HMCN1: variants seen among roughly 807,000 people sequenced by gnomAD.
The protein encoded by HMCN1 is hemicentin-1.
Under a neutral mutation model 625.9 loss-of-function variants are expected in HMCN1, and 321 were observed. The ratio of observed to expected loss-of-function variants is 0.51; its 90% CI spans 0.47 to 0.56. HMCN1 has a LOEUF of 0.56. Ranked by LOEUF, HMCN1 falls within the 20% of genes least tolerant of loss-of-function variation. The pLI is 0.00. For missense variants in HMCN1, 6,588 were observed against 6,887.3 expected (o/e 0.96, Z 1.54); for synonymous variants, 2,425 against 2,417.6 (o/e 1.00, Z -0.09).
intron 41 of HMCN1, among the ~76,000 whole-genome samples, chr1:186,046,460 C>G (rs900194167): frequency 2.4e-5 from 3 of 123,512 alleles, no homozygotes; most frequent in African/African-American, 1.1e-4. Context: ...CAGAGCAAGA[C>G]TGTCTCAAAC....
At chr1:186,158,203 AT>A (rs1317179957) in intron 97 of HMCN1, among the ~76,000 whole-genome samples, 1 of 150,062 alleles carries the variant, frequency 6.7e-6, no homozygotes, top group Non-Finnish European at 1.5e-5. Context: ...GATGATGAGC[AT>A]TTTTTCATGT....
intron 36 of HMCN1, among the ~76,000 whole-genome samples, chr1:186,024,952 C>G (rs1654964295): frequency 6.6e-6 from 1 of 152,120 alleles, no homozygotes. Context: ...CACTTTATTT[C>G]TATTATTATT....
chr1:186,090,813 AG>A lies in HMCN1; in HGVS notation c.9784del (p.Glu3262LysfsTer26). 1 of 1,612,708 alleles carries A rather than the reference AG, an allele frequency of 6.2e-7. No individual in the cohort carries two copies. The highest frequency in any genetic ancestry group is 8.5e-7 in the Non-Finnish European group (1 of 1,179,090). On this transcript the variant is annotated frameshift_variant, in exon 64 of 107. Transcript: ENST00000271588. LOFTEE classifies it high-confidence loss of function. ...CAAGTGATGTCAGTGTCCTTCTAGG[AG>A]AAAATGTTGAGCTGGTCTGCAATGC... is the stretch of plus-strand genomic sequence containing the variant. ...IPSDVSVLLG[E>X]NVELVCNANG... is the part of the protein sequence containing the mutation.
chr1:186,109,632 C>T (rs185594307), intron 71 of HMCN1, among the ~76,000 whole-genome samples: 1 of 152,270 alleles, frequency 6.6e-6, no homozygotes, highest in African/African-American at 2.4e-5. Flanking sequence ...CCATGGAAGC[C>T]TCTTAGAAAA....
At chr1:185,799,554 C>T (rs1658647295) in intron 1 of HMCN1, among the ~76,000 whole-genome samples, 1 of 152,010 alleles carries the variant, frequency 6.6e-6, no homozygotes, top group Non-Finnish European at 1.5e-5. Context: ...TCTATGATTT[C>T]CTAGGTTATG....
chr1:186,015,074 A>G (rs1654270011), intron 30 of HMCN1, 85 bp from the exon 31 acceptor site: 2 of 1,184,162 alleles, frequency 1.7e-6, no homozygotes, highest in Non-Finnish European at 1.3e-6. Flanking sequence ...CTTTAAATGC[A>G]TTGTTTAAAC....
At chr1:185,763,705 C>T (rs1427351969) in intron 1 of HMCN1, among the ~76,000 whole-genome samples, 1 of 152,044 alleles carries the variant, frequency 6.6e-6, no homozygotes. Flanking sequence ...TTAACAGTCG[C>T]AATTTTGGCA....
chr1:186,072,115 C>T (rs575869790), intron 52 of HMCN1, among the ~76,000 whole-genome samples: 105 of 152,234 alleles, frequency 6.9e-4, no homozygotes, highest in Admixed American at 2.4e-3. Context: ...TGCAATTGGT[C>T]TCCTAGAATG....
In HMCN1 at chr1:186,088,761, T is replaced by C. The variant is rs1659676729; in HGVS notation, c.9727+6T>C. ...TTACTTTCTTTCAATTCAAGGTATG[T>C]ATTGTCCACTATGATCTATCTTCAA... On this transcript the variant is annotated splice_donor_region_variant and intron_variant, in intron 63 of 106. Coordinates refer to ENST00000271588, the MANE Select transcript of HMCN1 (RefSeq NM_031935.3). 1 of 1,602,316 alleles carries C rather than the reference T, an allele frequency of 6.2e-7. No individual in the cohort carries two copies. Among genetic ancestry groups the C allele is most frequent in the African/African-American group, 1.3e-5 (1 of 74,726 alleles).
chr1:186,039,040 A>G, intron 38 of HMCN1, 35 bp downstream of exon 38: 1 of 1,407,596 alleles, frequency 7.1e-7, no homozygotes, highest in Non-Finnish European at 1.0e-6. Context: ...ATTCTGGGGT[A>G]AAGAAGCATT....
In HMCN1 at chr1:186,028,645, A is replaced by G. The variant is rs115915702; in HGVS notation, c.5749+5492A>G. Among the ~76,000 whole-genome samples, 961 of 152,148 alleles carry G rather than the reference A, an allele frequency of 6.3e-3. 14 individuals are homozygous for G. The highest frequency in any genetic ancestry group is 0.022 in the African/African-American group (899 of 41,526). ...ACCATGTACTAGTGACTATACCCAA[A>G]GAGCTTCTCTGTACAAGGCCTTTAG... On this transcript the variant is annotated intron_variant, in intron 36 of 106. Coordinates refer to ENST00000271588, the MANE Select transcript of HMCN1 (RefSeq NM_031935.3).
intron 2 of HMCN1, among the ~76,000 whole-genome samples, chr1:185,847,743 A>G (rs1209252430): frequency 6.6e-6 from 1 of 152,114 alleles, no homozygotes; most frequent in Non-Finnish European, 1.5e-5. Context: ...ATTTGAGGCC[A>G]GGAGTTTGAG....
At position 185,737,085 on chromosome 1, in the gene HMCN1, A is replaced by G. The variant is rs539406985; in HGVS notation, c.268+2038A>G. Among the ~76,000 whole-genome samples, 4 of 150,456 alleles carry G rather than the reference A, an allele frequency of 2.7e-5. No homozygotes were observed. In the South Asian group the frequency reaches 8.4e-4, roughly 31 times the overall value. On this transcript the variant is annotated intron_variant, in intron 1 of 106. Transcript: ENST00000271588. ...GATTGTAGTACTTTATTTGTGTGAT[A>G]TTTTTCCTCTGTAGGTGTGTGTGTA...
chr1:185,874,683 C>T (rs540350023), intron 4 of HMCN1, among the ~76,000 whole-genome samples: 85 of 151,890 alleles, frequency 5.6e-4, no homozygotes, highest in Middle Eastern at 3.4e-3. Context: ...ATAATTTAAA[C>T]AGCTTTGGTA....
At chr1:185,829,447 C>G (rs890410129) in intron 1 of HMCN1, among the ~76,000 whole-genome samples, 1 of 152,082 alleles carries the variant, frequency 6.6e-6, no homozygotes, top group Admixed American at 6.5e-5. Context: ...TGTGTCATTC[C>G]CCCCTCTGTG....
chr1:185,937,288 A>G (rs1667858321), intron 11 of HMCN1, among the ~76,000 whole-genome samples: 3 of 152,190 alleles, frequency 2.0e-5, no homozygotes, highest in African/African-American at 7.2e-5. Context: ...TTATTGGCTC[A>G]CAGTGCTGAA....
At chr1:186,140,943 T>C (rs1050756487) in intron 89 of HMCN1, among the ~76,000 whole-genome samples, 1 of 152,180 alleles carries the variant, frequency 6.6e-6, no homozygotes, top group Admixed American at 6.5e-5. Flanking sequence ...TCAAGCACAT[T>C]ACATTTATTG....
intron 95 of HMCN1, among the ~76,000 whole-genome samples, chr1:186,152,313 C>T (rs868243830): frequency 1.3e-5 from 2 of 152,138 alleles, no homozygotes; most frequent in South Asian, 2.1e-4. Context: ...TTGAGGACGG[C>T]TTATCTTTAA....
At position 186,081,357 on chromosome 1, in the gene HMCN1, A is replaced by C. The variant is rs1223888223; in HGVS notation, c.8750A>C (p.Asp2917Ala). 1 of 1,613,636 alleles carries C rather than the reference A, an allele frequency of 6.2e-7. No homozygotes were observed. Among genetic ancestry groups the C allele is most frequent in the Non-Finnish European group, 8.5e-7 (1 of 1,179,688 alleles). Residue 2917 changes from aspartate to alanine, a missense_variant, in exon 56 of 107, where the codon GAC becomes GCC. Physicochemically the swap from Asp to Ala is moderately radical, Grantham distance 126. Transcript: ENST00000271588. ...GATGGACAGCCCTTGCTAGAAGATG[A>C]CCATCATAAATTTCTATCTAATGGA... Reference protein sequence around the residue: ...QKDGQPLLEDDHHKFLSNGRI... With the variant: ...QKDGQPLLEDAHHKFLSNGRI...
Sources: allele counts gnomAD v4.1 joint callset (sites outside exome capture counted in the v4.1 genomes callset), GRCh38; gene constraint gnomAD v4.1.1; transcripts MANE v1.5; gene names NCBI Gene and HGNC (gene_info 2026-07-23, HGNC 2026-07-21).